The following BEND5 variants were observed in gnomAD, a reference collection of about 807,000 sequenced individuals.
The protein encoded by BEND5 is BEN domain-containing protein 5.
Under a neutral mutation model 43.9 loss-of-function variants are expected in BEND5, and 22 were observed. The observed-to-expected ratio is 0.50, with a 90% CI of 0.36 to 0.72. BEND5 has a LOEUF of 0.72. Among genes scored for constraint, BEND5 ranks in the 30% least tolerant of loss-of-function variants. The pLI, the probability that BEND5 is intolerant of heterozygous loss-of-function variation, is 0.00. For missense variants in BEND5, 428 were observed against 550.6 expected (o/e 0.78, Z 2.23); for synonymous variants, 228 against 225.9 (o/e 1.01, Z -0.08).
intron 1 of BEND5, among the ~76,000 whole-genome samples, chr1:48,769,022 C>G (rs1179108807): frequency 6.6e-6 from 1 of 152,158 alleles, no homozygotes; most frequent in East Asian, 1.9e-4. Context: ...CAAATCGAGG[C>G]CTGCCTCTCT....
chr1:48,735,206 C>T (rs1306927780), intron 5 of BEND5, among the ~76,000 whole-genome samples: 1 of 152,214 alleles, frequency 6.6e-6, no homozygotes, highest in African/African-American at 2.4e-5. Flanking sequence ...CTACTTTATT[C>T]TCTTTGCTCC....
In BEND5 at chr1:48,761,149, C is replaced by G. The variant is rs1176509372; in HGVS notation, c.360+188G>C. On this transcript the variant is annotated intron_variant, in intron 2 of 5. Coordinates refer to ENST00000371833, the MANE Select transcript of BEND5 (RefSeq NM_024603.4). ...TGGTGGCACAGCATGAATCAGGGCT[C>G]TCTAGAAAGTTGGCCAGCAAGGCAA... 1.0e-5 allele frequency: 6 copies of G among 602,208 alleles called. No homozygotes were observed. In the South Asian group the frequency reaches 1.1e-4, roughly 11 times the overall value. The allele number at this position is 602,208 out of a possible 1,614,324, so 37.3% of individuals were successfully genotyped here.
intron 3 of BEND5, among the ~76,000 whole-genome samples, chr1:48,744,672 T>C (rs1650451061): frequency 6.6e-6 from 1 of 152,202 alleles, no homozygotes; most frequent in Admixed American, 6.5e-5. Context: ...CCCATCCATC[T>C]CTATAAAGGC....
intron 1 of BEND5, among the ~76,000 whole-genome samples, chr1:48,770,692 C>T (rs1644774237): frequency 6.6e-6 from 1 of 152,132 alleles, no homozygotes; most frequent in Non-Finnish European, 1.5e-5. Context: ...AGGTCTCAAG[C>T]TACTCATCAT....
At chr1:48,773,349 C>A (rs966239835) in intron 1 of BEND5, among the ~76,000 whole-genome samples, 3 of 152,110 alleles carry the variant, frequency 2.0e-5, no homozygotes, top group Admixed American at 2.0e-4. Flanking sequence ...ACTTTCACAA[C>A]CTGCTTGGCA....
In BEND5 at chr1:48,776,591, C is replaced by T. The variant is rs1359386287; in HGVS notation, c.226+15G>A. ...CCGCCCGGGTCCCACCGTCCCTCCC[C>T]GCCCGCTTGCTCACCTGCCAGCGCC... On this transcript the variant is annotated intron_variant, in intron 1 of 5. Coordinates refer to ENST00000371833, the MANE Select transcript of BEND5 (RefSeq NM_024603.4). 2.1e-6 allele frequency: 3 copies of T among 1,418,732 alleles called. No individual in the cohort carries two copies. In the African/African-American group the frequency reaches 4.6e-5, roughly 22 times the overall value. The allele number at this position is 1,418,732 out of a possible 1,614,324, so 87.9% of individuals were successfully genotyped here.
rs1651623028 is a variant in BEND5, at chr1:48,750,887, C to G, written c.745+8013G>C. Reference sequence around the variant, plus strand: ...CTTATAGGACTAAGGTCCTAGGACTCTAAGAATTACCCCCCACACTCAGAG... The same window carrying G: ...CTTATAGGACTAAGGTCCTAGGACTGTAAGAATTACCCCCCACACTCAGAG... On this transcript the variant is annotated intron_variant, in intron 3 of 5. Transcript: ENST00000371833. 1.3e-5 allele frequency among the ~76,000 whole-genome samples: 2 copies of G among 152,196 alleles called. 1 individual carries two copies.
intron 1 of BEND5, among the ~76,000 whole-genome samples, chr1:48,762,215 G>A (rs1256570199): frequency 1.3e-5 from 2 of 152,162 alleles, no homozygotes; most frequent in African/African-American, 2.4e-5. Context: ...CTGCTTACGT[G>A]TGCTCACGAC....
At chr1:48,775,761 G>A (rs1048380451) in intron 1 of BEND5, among the ~76,000 whole-genome samples, 1 of 152,220 alleles carries the variant, frequency 6.6e-6, no homozygotes, top group African/African-American at 2.4e-5. Flanking sequence ...CTGAACCTCA[G>A]TACCCTCATC....
intron 3 of BEND5, among the ~76,000 whole-genome samples, chr1:48,746,130 T>C (rs1437441286): frequency 2.0e-5 from 3 of 152,202 alleles, no homozygotes; most frequent in African/African-American, 7.2e-5. Flanking sequence ...GGAGGAAAGA[T>C]AACAGTGACT....
At chr1:48,756,001 C>T (rs1010928560) in intron 3 of BEND5, among the ~76,000 whole-genome samples, 2 of 152,222 alleles carry the variant, frequency 1.3e-5, no homozygotes, top group Admixed American at 6.5e-5. Flanking sequence ...TGGGGGTGCC[C>T]GAGTTAAAAG....
chr1:48,774,591 C>T lies in BEND5; in HGVS notation c.226+2015G>A, dbSNP rs539586235. Among the ~76,000 whole-genome samples, 4 of 152,296 alleles carry T rather than the reference C, an allele frequency of 2.6e-5. No homozygotes were observed. In the East Asian group the frequency reaches 7.7e-4, roughly 29 times the overall value. On this transcript the variant is annotated intron_variant, in intron 1 of 5. Transcript: ENST00000371833. ...CTACTCTGCCAGTTTCCAAATGATG[C>T]TTGGGTTTTTTAAATAACCATACAG...
At chr1:48,741,175 G>T (rs1473369825) in intron 4 of BEND5, among the ~76,000 whole-genome samples, 2 of 152,182 alleles carry the variant, frequency 1.3e-5, no homozygotes, top group Non-Finnish European at 2.9e-5. Flanking sequence ...TCCACAATGT[G>T]TTCATGACTA....
rs1243353662 is a variant in BEND5 at position 48,741,351 on chromosome 1, T to C, written c.894+1272A>G. ...GAGACCCAGAGAAGTGAAGGATCTT[T>C]GCAAGGTCACACAGGTAGGACAGAT... On this transcript the variant is annotated intron_variant, in intron 4 of 5. Coordinates refer to ENST00000371833, the MANE Select transcript of BEND5 (RefSeq NM_024603.4). 3.3e-5 allele frequency among the ~76,000 whole-genome samples: 5 copies of C among 152,328 alleles called. No homozygotes were observed. The East Asian group carries it at 7.7e-4, about 23-fold the overall frequency.
At chr1:48,747,175 T>C (rs1363646884) in intron 3 of BEND5, among the ~76,000 whole-genome samples, 4 of 152,244 alleles carry the variant, frequency 2.6e-5, no homozygotes, top group African/African-American at 4.8e-5. Flanking sequence ...AGAGACAGCA[T>C]TGTACAATCT....
At position 48,727,872 on chromosome 1, in the gene BEND5, G is replaced by GA; in HGVS notation, c.*13dup. 2 of 1,598,624 alleles carry GA rather than the reference G, an allele frequency of 1.3e-6. No homozygotes were observed. Among genetic ancestry groups the GA allele is most frequent in the Non-Finnish European group, 1.7e-6 (2 of 1,168,504 alleles). On this transcript the variant is annotated 3_prime_UTR_variant, in exon 6 of 6. Coordinates refer to ENST00000371833, the MANE Select transcript of BEND5 (RefSeq NM_024603.4). Reference sequence around the variant, plus strand: ...CACAAGGAAAACACGAAAGCTTTATGAAAAATCCAAAGTTTATTGCAAATT... The same window carrying GA: ...CACAAGGAAAACACGAAAGCTTTATGAAAAAATCCAAAGTTTATTGCAAATT...
At chr1:48,740,020 C>G (rs531979794) in intron 4 of BEND5, among the ~76,000 whole-genome samples, 32 of 152,358 alleles carry the variant, frequency 2.1e-4, no homozygotes, top group African/African-American at 7.5e-4. Flanking sequence ...AAGGGCTAGT[C>G]TGTACACAAA....
chr1:48,757,237 T>G (rs1282729787), intron 3 of BEND5, among the ~76,000 whole-genome samples: 1 of 152,174 alleles, frequency 6.6e-6, no homozygotes, highest in Non-Finnish European at 1.5e-5. Context: ...AAAATGCAAA[T>G]TATTCACTTT....
intron 1 of BEND5, among the ~76,000 whole-genome samples, chr1:48,767,256 G>T (rs531028802): frequency 6.6e-6 from 1 of 152,122 alleles, no homozygotes; most frequent in Non-Finnish European, 1.5e-5. Flanking sequence ...CAGTGAAGTG[G>T]GGATAATAAA....
Sources: allele counts gnomAD v4.1 joint callset (sites outside exome capture counted in the v4.1 genomes callset), GRCh38; gene constraint gnomAD v4.1.1; transcripts MANE v1.5; gene names NCBI Gene and HGNC (gene_info 2026-07-23, HGNC 2026-07-21).